STK3: variants seen among roughly 807,000 people sequenced by gnomAD.
The protein encoded by STK3 is serine/threonine kinase 3.
Under a neutral mutation model 58.0 loss-of-function variants are expected in STK3, and 41 were observed. The observed-to-expected ratio is 0.71, with a 90% confidence interval of 0.55 to 0.92. The LOEUF (loss-of-function observed/expected upper bound fraction) is 0.92. Among genes scored for constraint, STK3 ranks in the 40% least tolerant of loss-of-function variants. The pLI is 0.00. For synonymous variants in STK3, 170 were observed against 191.0 expected, an observed-to-expected ratio of 0.89 and a Z score of 0.91; for missense variants, 479 against 602.7, an observed-to-expected ratio of 0.79 and a Z score of 2.15.
chr8:98,910,437 GT>G (rs1326706433), intron 1 of STK3, among the ~76,000 whole-genome samples: 1 of 152,076 alleles, frequency 6.6e-6, no homozygotes, highest in East Asian at 1.9e-4. Flanking sequence ...ATTGGCTGAA[GT>G]TTTTTTCAAA....
At chr8:98,915,357 C>T (rs1241762047) in intron 1 of STK3, among the ~76,000 whole-genome samples, 1 of 149,988 alleles carries the variant, frequency 6.7e-6, no homozygotes, top group Non-Finnish European at 1.5e-5. Context: ...TGGACTGGCT[C>T]TCCTTGCTCC....
At chr8:98,736,171 T>C (rs955174940) in intron 4 of STK3, among the ~76,000 whole-genome samples, 5 of 152,104 alleles carry the variant, frequency 3.3e-5, no homozygotes, top group Non-Finnish European at 5.9e-5. Context: ...GAATATGCAA[T>C]AAACACCCAA....
intron 6 of STK3, among the ~76,000 whole-genome samples, chr8:98,685,787 G>T (rs1447579052): frequency 6.6e-6 from 1 of 151,966 alleles, no homozygotes; most frequent in South Asian, 2.1e-4. Flanking sequence ...GAAACCAAAG[G>T]TAGAGAGGGG....
intron 1 of STK3, among the ~76,000 whole-genome samples, chr8:98,926,498 G>C (rs72668455): frequency 0.08 from 12,107 of 152,026 alleles, 536 homozygotes; most frequent in South Asian, 0.1. Context: ...TTAGTGCCCT[G>C]GGCTAAGACA....
chr8:98,651,639 T>C (rs1302996967), intron 6 of STK3: 2 of 152,110 alleles, frequency 1.3e-5, no homozygotes, highest in Non-Finnish European at 2.9e-5. Context: ...TATAGAGAAG[T>C]GCTTAAAGGA....
chr8:98,804,194 G>T (rs1447991596), intron 1 of STK3, among the ~76,000 whole-genome samples: 1 of 151,924 alleles, frequency 6.6e-6, no homozygotes, highest in Non-Finnish European at 1.5e-5. Flanking sequence ...TAGAGATGGG[G>T]TTTCAACATT....
chr8:98,908,504 C>A (rs537139572), intron 1 of STK3, among the ~76,000 whole-genome samples: 57 of 152,102 alleles, frequency 3.7e-4, no homozygotes, highest in Non-Finnish European at 7.9e-4. Context: ...AGTGAGCTAT[C>A]ATTACACCAT....
chr8:98,353,405 C>T, the STK3 span, among the ~76,000 whole-genome samples: 1 of 152,166 alleles, frequency 6.6e-6, no homozygotes, highest in East Asian at 1.9e-4. Context: ...GCGGGAGGAT[C>T]ACTTAAGCCA....
intron 1 of STK3, among the ~76,000 whole-genome samples, chr8:98,817,165 G>A (rs1271533961): frequency 1.3e-5 from 2 of 152,080 alleles, no homozygotes; most frequent in Admixed American, 1.3e-4. Flanking sequence ...GATAAAAATA[G>A]AAATCAGGCC....
intron 4 of STK3, among the ~76,000 whole-genome samples, chr8:98,742,673 A>G (rs1023506630): frequency 5.2e-4 from 78 of 150,868 alleles, no homozygotes; most frequent in Middle Eastern, 3.4e-3. Flanking sequence ...AACTGGCACA[A>G]GACAGGGATG....
chr8:98,843,701 T>G (rs1836083673), intron 3 of STK3, among the ~76,000 whole-genome samples: 1 of 152,198 alleles, frequency 6.6e-6, no homozygotes. Context: ...ACAACTGGCT[T>G]ATCTGAATAA....
intron 1 of STK3, among the ~76,000 whole-genome samples, chr8:98,931,096 A>G (rs1200817312): frequency 6.6e-6 from 1 of 152,198 alleles, no homozygotes; most frequent in Non-Finnish European, 1.5e-5. Context: ...GAGATGAGGT[A>G]TCCTTGAAAT....
intron 3 of STK3, among the ~76,000 whole-genome samples, chr8:98,856,312 C>A: frequency 7.1e-6 from 1 of 141,260 alleles, no homozygotes. Flanking sequence ...GTGAGTGAGA[C>A]TCCATCTCAA....
intron 6 of STK3, among the ~76,000 whole-genome samples, chr8:98,669,330 T>C (rs1020453416): frequency 1.3e-5 from 2 of 152,056 alleles, no homozygotes; most frequent in Non-Finnish European, 2.9e-5. Context: ...TCAACAGTTC[T>C]AAAAAAAGAC....
intron 6 of STK3, among the ~76,000 whole-genome samples, chr8:98,667,001 T>C (rs947802990): frequency 3.3e-5 from 5 of 152,150 alleles, no homozygotes; most frequent in African/African-American, 7.2e-5. Context: ...AAAATCTCAA[T>C]TGTCAATAAC....
chr8:98,899,815 A>G (rs1258576407), intron 1 of STK3, among the ~76,000 whole-genome samples: 2 of 152,190 alleles, frequency 1.3e-5, no homozygotes, highest in Admixed American at 6.5e-5. Flanking sequence ...GGAAGCCAAG[A>G]TTCAAAGCCA....
intron 1 of STK3, among the ~76,000 whole-genome samples, chr8:98,784,112 G>A (rs1400507742): frequency 6.6e-6 from 1 of 152,226 alleles, no homozygotes; most frequent in Non-Finnish European, 1.5e-5. Flanking sequence ...TTGGGGACAA[G>A]CTGATTTGGA....
chr8:98,384,954 T>C (rs536856879), intron 1 of STK3, among the ~76,000 whole-genome samples: 1 of 152,194 alleles, frequency 6.6e-6, no homozygotes, highest in African/African-American at 2.4e-5. Context: ...ATTAGCTGAG[T>C]CCCTCCTCCA....
At chr8:98,925,746 G>C (rs1449735171) in intron 1 of STK3, among the ~76,000 whole-genome samples, 3 of 152,248 alleles carry the variant, frequency 2.0e-5, no homozygotes, top group Non-Finnish European at 4.4e-5. Flanking sequence ...AATCAGCTCA[G>C]GAAGATGGAA....
Sources: gnomAD v4.1 joint callset for allele counts (sites outside exome capture counted in the v4.1 genomes callset) on GRCh38, gnomAD v4.1.1 for gene constraint, MANE v1.5 for transcripts, NCBI Gene and HGNC (gene_info 2026-07-23, HGNC 2026-07-21) for gene names.